The following CNTN6 variants were observed in gnomAD, a reference collection of about 807,000 sequenced individuals.
CNTN6 encodes contactin-6.
CNTN6 carries 137 observed loss-of-function variants against 122.8 expected under a neutral mutation model. The ratio of observed to expected loss-of-function variants is 1.12; its 90% CI spans 0.97 to 1.29. The LOEUF (loss-of-function observed/expected upper bound fraction) is 1.29, where lower values mean the gene tolerates loss of function less well. Among genes scored for constraint, CNTN6 ranks in the 50% most tolerant of loss-of-function variants. CNTN6 has a pLI of 0.00. For missense variants in CNTN6, 1,634 were observed against 1,223.4 expected (o/e 1.34, Z -5.01); for synonymous variants, 570 against 426.0 (o/e 1.34, Z -4.16).
At chr3:1,191,643 AC>A (rs1160675194) in intron 2 of CNTN6, among the ~76,000 whole-genome samples, 6 of 151,940 alleles carry the variant, frequency 3.9e-5, no homozygotes, top group Non-Finnish European at 7.4e-5. Flanking sequence ...AACTGTTGAA[AC>A]TCCTAATTTG....
chr3:1,113,577 A>G (rs1158062843), intron 1 of CNTN6, among the ~76,000 whole-genome samples: 2 of 152,190 alleles, frequency 1.3e-5, no homozygotes, highest in African/African-American at 4.8e-5. Context: ...TAAGGATTAA[A>G]TTAAAAGATA....
chr3:1,268,719 G>A (rs962396290), intron 4 of CNTN6, among the ~76,000 whole-genome samples: 2 of 151,746 alleles, frequency 1.3e-5, no homozygotes, highest in African/African-American at 4.8e-5. Context: ...GAGCATTTAA[G>A]CTGCCACCGA....
At chr3:1,133,043 G>C (rs77992133) in intron 1 of CNTN6, among the ~76,000 whole-genome samples, 4,134 of 152,140 alleles carry the variant, frequency 0.027, 87 homozygotes, top group African/African-American at 0.058. Context: ...AGTGCATCAT[G>C]TATACAAGGA....
chr3:1,274,087 TAGTA>T (rs1164090877), intron 4 of CNTN6, among the ~76,000 whole-genome samples: 1 of 152,168 alleles, frequency 6.6e-6, no homozygotes, highest in Non-Finnish European at 1.5e-5. Flanking sequence ...TCAAAAACAA[TAGTA>T]AGAAAAAAAC....
chr3:1,144,524 A>G (rs1306990369), intron 1 of CNTN6, among the ~76,000 whole-genome samples: 3 of 151,988 alleles, frequency 2.0e-5, no homozygotes, highest in Non-Finnish European at 2.9e-5. Context: ...GGAGTGAGCC[A>G]AGATCGTGCC....
chr3:1,179,515 C>G (rs911025168), intron 2 of CNTN6, among the ~76,000 whole-genome samples: 2 of 152,064 alleles, frequency 1.3e-5, no homozygotes, highest in Admixed American at 6.6e-5. Flanking sequence ...CCTCCGTGTT[C>G]CAGTGTTTCC....
intron 2 of CNTN6, among the ~76,000 whole-genome samples, chr3:1,181,903 T>TAC (rs2093560111): frequency 6.6e-6 from 1 of 152,106 alleles, no homozygotes. Context: ...TTTCTTTCCA[T>TAC]ACACTCCATC....
rs1050374282 is a variant in CNTN6, at chr3:1,403,651, C to T, written c.*233C>T. 3.2e-6 allele frequency: 1 copy of T among 308,452 alleles called. No individual in the cohort carries two copies. Among genetic ancestry groups the T allele is most frequent in the African/African-American group, 2.2e-5 (1 of 46,074 alleles). 19.1% of individuals were successfully genotyped at this position (308,452 alleles called of 1,614,324 possible). Reference sequence around the variant, plus strand: ...ATGAATTCCTAGGTGCCACATTAACCTGGGGAGTTGTAACTGCTGTGTCTT... The same window carrying T: ...ATGAATTCCTAGGTGCCACATTAACTTGGGGAGTTGTAACTGCTGTGTCTT... On this transcript the variant is annotated 3_prime_UTR_variant, in exon 23 of 23. Coordinates refer to ENST00000446702, the MANE Select transcript of CNTN6 (RefSeq NM_001289080.2).
At chr3:1,368,358 G>C (rs1032570652) in intron 12 of CNTN6, among the ~76,000 whole-genome samples, 1 of 152,132 alleles carries the variant, frequency 6.6e-6, no homozygotes, top group Admixed American at 6.5e-5. Flanking sequence ...TTTGTATAAA[G>C]AGTTAAATCT....
At chr3:1,165,132 T>C (rs1481366497) in intron 2 of CNTN6, among the ~76,000 whole-genome samples, 1 of 152,188 alleles carries the variant, frequency 6.6e-6, no homozygotes, top group Non-Finnish European at 1.5e-5. Flanking sequence ...TGTTACATGC[T>C]TGTCCATGGT....
At chr3:1,124,631 C>T (rs752979427) in intron 1 of CNTN6, among the ~76,000 whole-genome samples, 69 of 151,796 alleles carry the variant, frequency 4.5e-4, no homozygotes, top group Non-Finnish European at 6.2e-4. Flanking sequence ...TCTCAGACAT[C>T]CCTGCTAAAG....
chr3:1,128,228 C>T (rs1350354860), intron 1 of CNTN6: 1 of 151,954 alleles, frequency 6.6e-6, no homozygotes, highest in Admixed American at 6.6e-5. Flanking sequence ...TTCAACATTA[C>T]TTCTGCATCA....
intron 11 of CNTN6, among the ~76,000 whole-genome samples, chr3:1,341,474 A>C (rs1270740962): frequency 6.6e-6 from 1 of 152,052 alleles, no homozygotes; most frequent in African/African-American, 2.4e-5. Flanking sequence ...TGTTTTGTTA[A>C]TGTTAAATTG....
At chr3:1,380,999 T>C (rs56908293) in intron 17 of CNTN6, among the ~76,000 whole-genome samples, 1 of 152,010 alleles carries the variant, frequency 6.6e-6, no homozygotes, top group Non-Finnish European at 1.5e-5. Flanking sequence ...TTTGACTCTC[T>C]GTTGATGTAA....
At chr3:1,368,489 T>C (rs1266359734) in intron 12 of CNTN6, among the ~76,000 whole-genome samples, 1 of 152,174 alleles carries the variant, frequency 6.6e-6, no homozygotes, top group Non-Finnish European at 1.5e-5. Context: ...GTCTTAATGG[T>C]TTCATAAAAG....
chr3:1,151,308 C>T (rs932815033), intron 2 of CNTN6, among the ~76,000 whole-genome samples: 2 of 152,026 alleles, frequency 1.3e-5, no homozygotes, highest in African/African-American at 4.8e-5. Flanking sequence ...GTTGTTTGTT[C>T]TATTTATGTT....
chr3:1,363,526 G>A (rs940757998), intron 12 of CNTN6, among the ~76,000 whole-genome samples: 1 of 151,638 alleles, frequency 6.6e-6, no homozygotes, highest in East Asian at 1.9e-4. Flanking sequence ...TTTTCTTTCT[G>A]TGCCTGGCTT....
At chr3:1,137,446 T>C (rs1243153177) in intron 1 of CNTN6, among the ~76,000 whole-genome samples, 6 of 152,214 alleles carry the variant, frequency 3.9e-5, no homozygotes, top group African/African-American at 1.4e-4. Flanking sequence ...TACCAGTTGA[T>C]GACCCCTGGA....
intron 4 of CNTN6, among the ~76,000 whole-genome samples, chr3:1,231,188 G>T (rs1014791154): frequency 6.6e-6 from 1 of 152,120 alleles, no homozygotes; most frequent in Non-Finnish European, 1.5e-5. Context: ...GGAATCCAAA[G>T]CGAGACAGAG....
Sources: allele counts gnomAD v4.1 joint callset (sites outside exome capture counted in the v4.1 genomes callset), GRCh38; gene constraint gnomAD v4.1.1; transcripts MANE v1.5; gene names NCBI Gene and HGNC (gene_info 2026-07-23, HGNC 2026-07-21).